Variants in DENND6A observed in about 807,000 individuals in gnomAD.
DENND6A encodes the protein DENN domain containing 6A.
In DENND6A, 43 loss-of-function variants were observed where a neutral mutation model predicts 95.5. That is an observed-to-expected ratio of 0.45 (90% CI 0.35 to 0.58). DENND6A has a LOEUF of 0.58. DENND6A is among the 20% of genes least tolerant of loss of function. DENND6A has a pLI of 0.00. For missense variants in DENND6A, 574 were observed against 736.0 expected (o/e 0.78, Z 2.55); for synonymous variants, 257 against 260.4 (o/e 0.99, Z 0.13).
chr3:57,665,575 C>A (rs1475267242), intron 4 of DENND6A, among the ~76,000 whole-genome samples: 1 of 151,962 alleles, frequency 6.6e-6, no homozygotes. Context: ...TTAGTGGAAC[C>A]AGGGAGGTAA....
At chr3:57,630,662 T>C (rs1045451594) in intron 17 of DENND6A, 53 bp downstream of exon 17, 1 of 1,568,240 alleles carries the variant, frequency 6.4e-7, no homozygotes, top group Non-Finnish European at 8.6e-7. Context: ...CTTTTTGTTT[T>C]GCTTTTAAAT....
intron 18 of DENND6A, among the ~76,000 whole-genome samples, chr3:57,629,504 C>G (rs1258907486): frequency 2.0e-5 from 3 of 146,446 alleles, no homozygotes; most frequent in African/African-American, 7.5e-5. Flanking sequence ...AAAAATCAGT[C>G]CGCTTTTTTT....
Position 57,642,313 on chromosome 3 carries a change from C to CAAA in DENND6A, c.1038-569_1038-567dup, listed in dbSNP as rs10681174. On this transcript the variant is annotated intron_variant, in intron 11 of 19. Transcript: ENST00000311128. ...TGGGCAGCAGAGTGAGACTCTGTCT[C>CAAA]AAAAAAAAAAAAAAAAAAAAAGCAT... is the stretch of plus-strand genomic sequence containing the variant. Among the ~76,000 whole-genome samples the CAAA allele has an allele frequency of 4.2e-3, 286 of 67,390 alleles. 3 individuals carry two copies. Among genetic ancestry groups the CAAA allele is most frequent in the African/African-American group, 0.018 (242 of 13,444 alleles). The allele number at this position is 67,390 out of a possible 152,430, so 44.2% of individuals were successfully genotyped here. A position where few individuals can be genotyped will look rare whatever the true frequency, so the allele number is the denominator to read the frequency against.
intron 1 of DENND6A, among the ~76,000 whole-genome samples, chr3:57,675,088 G>A (rs1173126208): frequency 6.6e-6 from 1 of 152,150 alleles, no homozygotes; most frequent in East Asian, 1.9e-4. Flanking sequence ...ATGAGTTTAT[G>A]TACATGTTTA....
At position 57,692,724 on chromosome 3, in the gene DENND6A, G is replaced by C. The variant is rs2077281228; in HGVS notation, c.237+58C>G. ...GGTCAGCCCGCGGGCCGCTGGCTTT[G>C]CTGCAGCCGCCCCGGCGCAGGGGAG... On this transcript the variant is annotated intron_variant, in intron 1 of 19. Transcript: ENST00000311128. 1.9e-5 allele frequency: 26 copies of C among 1,368,900 alleles called. 1 individual carries two copies. The South Asian group carries it at 4.3e-4, about 22-fold the overall frequency. 84.8% of individuals were successfully genotyped at this position (1,368,900 alleles called of 1,614,324 possible).
intron 9 of DENND6A, among the ~76,000 whole-genome samples, chr3:57,652,179 C>A (rs770516688): frequency 6.6e-6 from 1 of 152,164 alleles, no homozygotes; most frequent in Non-Finnish European, 1.5e-5. Flanking sequence ...TAACAGAATA[C>A]GGTAGAAATG....
intron 11 of DENND6A, among the ~76,000 whole-genome samples, chr3:57,642,344 T>G (rs1483720513): frequency 7.3e-6 from 1 of 137,288 alleles, no homozygotes; most frequent in Admixed American, 7.4e-5. Context: ...AGCATAATAA[T>G]CACAAAGGAG....
chr3:57,669,729 G>GA (rs570016995), intron 3 of DENND6A, among the ~76,000 whole-genome samples: 8 of 144,054 alleles, frequency 5.6e-5, no homozygotes, highest in African/African-American at 2.0e-4. Flanking sequence ...AAAAAGAAAA[G>GA]AAAAAAAATC....
chr3:57,646,929 T>C (rs1278075784), intron 9 of DENND6A, among the ~76,000 whole-genome samples: 1 of 152,222 alleles, frequency 6.6e-6, no homozygotes, highest in East Asian at 1.9e-4. Flanking sequence ...GCGAAACTCC[T>C]GGGCAGATAC....
At chr3:57,681,646 GA>G (rs1454820966) in intron 1 of DENND6A, among the ~76,000 whole-genome samples, 1 of 144,004 alleles carries the variant, frequency 6.9e-6, no homozygotes, top group Non-Finnish European at 1.5e-5. Context: ...AAGAAAGAAA[GA>G]AAGAAAAAAG....
Position 57,667,280 on chromosome 3 carries a change from A to C in DENND6A, c.320-1045T>G, listed in dbSNP as rs202083067. Among the ~76,000 whole-genome samples the C allele has an allele frequency of 3.9e-5, 6 of 151,972 alleles. No homozygotes were observed. In the East Asian group the frequency reaches 1.2e-3, roughly 29 times the overall value. On this transcript the variant is annotated intron_variant, in intron 3 of 19. Transcript: ENST00000311128. ...CCTGATCTCAGGTGATCTGCCTCCC[A>C]AAGTGCTAGGATTACAGGCGTAAGC...
intron 15 of DENND6A, 164 bp from the exon 16 acceptor site, chr3:57,631,142 T>G: frequency 1.7e-6 from 1 of 601,740 alleles, no homozygotes; most frequent in Non-Finnish European, 2.9e-6. Context: ...TAGACTGACT[T>G]GGGAAGTCAG....
At chr3:57,644,008 G>T (rs1322049551) in intron 11 of DENND6A, among the ~76,000 whole-genome samples, 1 of 151,600 alleles carries the variant, frequency 6.6e-6, no homozygotes, top group Non-Finnish European at 1.5e-5. Flanking sequence ...AAATTAGCTG[G>T]GTGTGATAGT....
At chr3:57,654,477 C>A in intron 9 of DENND6A, 1 of 318,108 alleles carries the variant, frequency 3.1e-6, no homozygotes, top group Non-Finnish European at 4.5e-6. Flanking sequence ...ACTTGTTTCT[C>A]AAGTCACAAT....
At position 57,655,443 on chromosome 3, in the gene DENND6A, G is replaced by A. The variant is rs1183655555; in HGVS notation, c.818+2237C>T. On this transcript the variant is annotated intron_variant, in intron 9 of 19. Transcript: ENST00000311128. ...TGCTAATCAAAGGTGTTAGTGATGG[G>A]GGTAATTAACTAAGGGTTGAGCATC... is the stretch of plus-strand genomic sequence containing the variant. Among the ~76,000 whole-genome samples, 3 of 152,072 alleles carry A rather than the reference G, an allele frequency of 2.0e-5. No homozygotes were observed. In the East Asian group the frequency reaches 5.8e-4, roughly 29 times the overall value.
At chr3:57,681,101 G>A (rs969237584) in intron 1 of DENND6A, among the ~76,000 whole-genome samples, 2 of 152,112 alleles carry the variant, frequency 1.3e-5, no homozygotes, top group African/African-American at 4.8e-5. Flanking sequence ...TTTCATATTA[G>A]CATTATTCAT....
intron 11 of DENND6A, 23 bp downstream of exon 11, chr3:57,645,638 C>T: frequency 6.4e-7 from 1 of 1,556,180 alleles, no homozygotes; most frequent in African/African-American, 1.4e-5. Flanking sequence ...AATACCTGGT[C>T]AATAGAAGTT....
In DENND6A at chr3:57,658,033, G is replaced by A. The variant is rs1276712579; in HGVS notation, c.763-298C>T. ...GGGCGGATCACAAGGTCAGGATATC[G>A]AGACCATCCTGGCTAACACGGTGAA... is the stretch of plus-strand genomic sequence containing the variant. On this transcript the variant is annotated intron_variant, in intron 8 of 19. Transcript: ENST00000311128. Among the ~76,000 whole-genome samples the A allele has an allele frequency of 2.6e-5, 4 of 151,894 alleles. No homozygotes were observed. The South Asian group carries it at 6.2e-4, about 24-fold the overall frequency.
intron 1 of DENND6A, among the ~76,000 whole-genome samples, chr3:57,688,659 G>A (rs2077232746): frequency 6.7e-6 from 1 of 148,816 alleles, no homozygotes; most frequent in South Asian, 2.2e-4. Flanking sequence ...ATGGAGAAAA[G>A]AACAGACATG....
Sources: gnomAD v4.1 joint callset for allele counts (sites outside exome capture counted in the v4.1 genomes callset) on GRCh38, gnomAD v4.1.1 for gene constraint, MANE v1.5 for transcripts, NCBI Gene and HGNC (gene_info 2026-07-23, HGNC 2026-07-21) for gene names.